SFMBT2: variants seen among roughly 807,000 people sequenced by gnomAD.
The protein encoded by SFMBT2 is scm-like with four MBT domains protein 2.
Under a neutral mutation model 110.1 loss-of-function variants are expected in SFMBT2, and 38 were observed. That is an observed-to-expected ratio of 0.35 (90% CI 0.27 to 0.45). SFMBT2 has a LOEUF of 0.45. Ranked by LOEUF, SFMBT2 falls within the 20% of genes least tolerant of loss-of-function variation. The pLI, the probability that SFMBT2 is intolerant of heterozygous loss-of-function variation, is 1.00. For missense variants in SFMBT2, 1,011 were observed against 1,094.9 expected (o/e 0.92, Z 1.08); for synonymous variants, 425 against 425.4 (o/e 1.00, Z 0.01).
chr10:7,242,085 G>A (rs1006048760), intron 9 of SFMBT2, among the ~76,000 whole-genome samples: 2 of 152,102 alleles, frequency 1.3e-5, no homozygotes, highest in Non-Finnish European at 2.9e-5. Flanking sequence ...TGGCCCACAG[G>A]GTGTTCAAAC....
At chr10:7,360,712 A>G (rs1844689603) in intron 4 of SFMBT2, among the ~76,000 whole-genome samples, 2 of 152,188 alleles carry the variant, frequency 1.3e-5, no homozygotes, top group Admixed American at 6.5e-5. Context: ...AAACACATAC[A>G]TACCTACTCT....
intron 9 of SFMBT2, among the ~76,000 whole-genome samples, chr10:7,229,306 C>G (rs1162868213): frequency 6.6e-6 from 1 of 152,082 alleles, no homozygotes; most frequent in East Asian, 1.9e-4. Context: ...ATAGGCCGGG[C>G]GCGGTGGCTC....
intron 7 of SFMBT2, among the ~76,000 whole-genome samples, chr10:7,258,823 G>C (rs1384210674): frequency 6.6e-6 from 1 of 152,144 alleles, no homozygotes; most frequent in Non-Finnish European, 1.5e-5. Context: ...TAAATCAATA[G>C]TATTATGACA....
intron 6 of SFMBT2, among the ~76,000 whole-genome samples, chr10:7,280,501 ATATCTAAAAGTC>A (rs1209257218): frequency 3.3e-5 from 5 of 152,258 alleles, no homozygotes; most frequent in Admixed American, 6.5e-5. Flanking sequence ...ATCTGCAAGA[ATATCTAAAAGTC>A]TATCTTATTT....
intron 4 of SFMBT2, among the ~76,000 whole-genome samples, chr10:7,288,766 C>G (rs896265821): frequency 1.3e-5 from 2 of 151,996 alleles, no homozygotes; most frequent in Non-Finnish European, 2.9e-5. Context: ...TGCGGTGGCT[C>G]ACACCTGCAA....
chr10:7,193,913 C>G (rs1013602234), intron 15 of SFMBT2, among the ~76,000 whole-genome samples: 1 of 152,096 alleles, frequency 6.6e-6, no homozygotes, highest in African/African-American at 2.4e-5. Context: ...TTTTGGGGAC[C>G]CTGGTACTCC....
At chr10:7,315,074 A>AGAGAGAGAGAGAG (rs1842965146) in intron 4 of SFMBT2, among the ~76,000 whole-genome samples, 1 of 143,866 alleles carries the variant, frequency 7.0e-6, no homozygotes, top group African/African-American at 2.6e-5. Flanking sequence ...GAAAGAAAGA[A>AGAGAGAGAGAGAG]AGAAAGAAAG....
At chr10:7,322,333 A>G (rs1843218040) in intron 4 of SFMBT2, among the ~76,000 whole-genome samples, 2 of 152,172 alleles carry the variant, frequency 1.3e-5, no homozygotes, top group African/African-American at 4.8e-5. Context: ...TGAGTTCATT[A>G]AACCTCTTAT....
intron 4 of SFMBT2, among the ~76,000 whole-genome samples, chr10:7,312,804 A>G (rs1842897423): frequency 6.6e-6 from 1 of 152,212 alleles, no homozygotes; most frequent in Non-Finnish European, 1.5e-5. Flanking sequence ...AGTTAATTAT[A>G]AAGTGCTGAA....
intron 2 of SFMBT2, among the ~76,000 whole-genome samples, chr10:7,371,329 G>A (rs1032684937): frequency 1.3e-5 from 2 of 152,088 alleles, no homozygotes; most frequent in Non-Finnish European, 2.9e-5. Flanking sequence ...TTCACTACAC[G>A]TTGGCCAGGC....
intron 16 of SFMBT2, among the ~76,000 whole-genome samples, chr10:7,179,032 T>G (rs1391385360): frequency 6.6e-6 from 1 of 152,222 alleles, no homozygotes; most frequent in Non-Finnish European, 1.5e-5. Context: ...AAATCTTTTT[T>G]TTTTAAAGTA....
At chr10:7,205,953 G>A (rs780635510) in intron 11 of SFMBT2, 25 bp from the exon 12 acceptor site, 1 of 1,613,274 alleles carries the variant, frequency 6.2e-7, no homozygotes, top group East Asian at 2.2e-5. Flanking sequence ...GTTGAAACAA[G>A]AGGTACAAAC....
At chr10:7,396,874 A>C in intron 1 of SFMBT2, among the ~76,000 whole-genome samples, 1 of 134,080 alleles carries the variant, frequency 7.5e-6, no homozygotes, top group South Asian at 2.9e-4. Context: ...AGGGTGGGGA[A>C]CATCACACAC....
intron 4 of SFMBT2, among the ~76,000 whole-genome samples, chr10:7,356,543 G>GT (rs1213453724): frequency 3.9e-5 from 6 of 152,166 alleles, no homozygotes; most frequent in Non-Finnish European, 7.3e-5. Flanking sequence ...AGCCTCCCAA[G>GT]TAGGGATTAC....
chr10:7,391,239 G>A (rs569865206), intron 1 of SFMBT2, among the ~76,000 whole-genome samples: 15 of 151,170 alleles, frequency 9.9e-5, no homozygotes, highest in African/African-American at 2.9e-4. Flanking sequence ...AGCCCAAGGC[G>A]GGTGGATCAC....
At chr10:7,264,286 C>T (rs1216539834) in intron 7 of SFMBT2, 3 of 218,898 alleles carry the variant, frequency 1.4e-5, no homozygotes, top group African/African-American at 2.3e-5. Flanking sequence ...AGTGCACTGC[C>T]GTGACTGCTA....
intron 4 of SFMBT2, among the ~76,000 whole-genome samples, chr10:7,315,080 GAAAGAAAGAA>G (rs1304819354): frequency 6.9e-6 from 1 of 144,952 alleles, no homozygotes; most frequent in Non-Finnish European, 1.5e-5. Flanking sequence ...AAGAAAGAAA[GAAAGAAAGAA>G]AGAAAGAAAG....
intron 7 of SFMBT2, among the ~76,000 whole-genome samples, chr10:7,254,549 C>T (rs929964698): frequency 3.9e-5 from 6 of 152,050 alleles, no homozygotes; most frequent in African/African-American, 1.2e-4. Context: ...GGGCCAGGCG[C>T]GGTGGCTCAC....
chr10:7,236,544 C>T (rs111430495), intron 9 of SFMBT2, among the ~76,000 whole-genome samples: 2,110 of 152,236 alleles, frequency 0.014, 22 homozygotes, highest in South Asian at 0.045. Flanking sequence ...AAACAGCAGA[C>T]CATTCAACAA....
Sources: gnomAD v4.1 joint callset for allele counts (sites outside exome capture counted in the v4.1 genomes callset) on GRCh38, gnomAD v4.1.1 for gene constraint, MANE v1.5 for transcripts, NCBI Gene and HGNC (gene_info 2026-07-23, HGNC 2026-07-21) for gene names.